The following LRRC4C variants were observed in gnomAD, a reference collection of about 807,000 sequenced individuals.
LRRC4C encodes leucine-rich repeat-containing protein 4C.
LRRC4C carries 5 observed loss-of-function variants against 33.6 expected under a neutral mutation model. The ratio of observed to expected loss-of-function variants is 0.15; its 90% CI spans 0.08 to 0.31. The LOEUF (loss-of-function observed/expected upper bound fraction) is 0.31. Among genes scored for constraint, LRRC4C ranks in the 10% least tolerant of loss-of-function variants. The probability of loss-of-function intolerance (pLI) is 1.00; values close to 1 mark genes in which losing one functional copy is unlikely to be tolerated. For synonymous variants in LRRC4C, 329 were observed against 302.0 expected (o/e 1.09, Z -0.93); for missense variants, 560 against 796.7 (o/e 0.70, Z 3.58).
chr11:40,723,422 C>A (rs966080926), intron 2 of LRRC4C, among the ~76,000 whole-genome samples: 2 of 152,024 alleles, frequency 1.3e-5, no homozygotes, highest in Admixed American at 1.3e-4. Context: ...CAGCAGGAAA[C>A]TTACAAGTCT....
intron 6 of LRRC4C, among the ~76,000 whole-genome samples, chr11:40,122,022 C>A (rs939831890): frequency 6.6e-6 from 1 of 152,114 alleles, no homozygotes. Context: ...TGGGGCTCTT[C>A]CACCAAAGCA....
chr11:40,468,598 G>A lies in LRRC4C; in HGVS notation c.-269-148877C>T, dbSNP rs143882372. ...ACAGGAAACAATAGCTTAAAGGCGT[G>A]TGTGTGAGTGTGTGAGTTTAACAAA... On this transcript the variant is annotated intron_variant, in intron 3 of 6. Coordinates refer to ENST00000528697, the MANE Select transcript of LRRC4C (RefSeq NM_001258419.2). Among the ~76,000 whole-genome samples the A allele has an allele frequency of 2.6e-5, 4 of 152,190 alleles. No individual in the cohort carries two copies. In the East Asian group the frequency reaches 7.7e-4, roughly 29 times the overall value.
At chr11:40,358,637 A>T (rs1430120796) in intron 3 of LRRC4C, among the ~76,000 whole-genome samples, 1 of 151,970 alleles carries the variant, frequency 6.6e-6, no homozygotes, top group Non-Finnish European at 1.5e-5. Flanking sequence ...CGTATTACTG[A>T]TCACTGCCAT....
At chr11:40,815,287 A>G (rs770936358) in intron 2 of LRRC4C, among the ~76,000 whole-genome samples, 2 of 152,076 alleles carry the variant, frequency 1.3e-5, no homozygotes, top group African/African-American at 2.4e-5. Context: ...AGACTTATTC[A>G]CTATCGTAAG....
At chr11:40,769,331 G>T (rs1348789644) in intron 2 of LRRC4C, among the ~76,000 whole-genome samples, 3 of 151,946 alleles carry the variant, frequency 2.0e-5, no homozygotes, top group South Asian at 2.1e-4. Context: ...AATTGAAAAA[G>T]ACACCAAAAA....
At chr11:41,317,988 A>C (rs1286481288) in intron 1 of LRRC4C, among the ~76,000 whole-genome samples, 1 of 152,184 alleles carries the variant, frequency 6.6e-6, no homozygotes, top group Non-Finnish European at 1.5e-5. Flanking sequence ...CCTAATAATA[A>C]GGAAGCAGTT....
At chr11:41,138,436 A>G (rs1315855728) in intron 1 of LRRC4C, among the ~76,000 whole-genome samples, 3 of 152,200 alleles carry the variant, frequency 2.0e-5, no homozygotes, top group East Asian at 1.9e-4. Flanking sequence ...GACTGATTCA[A>G]TGACACCATT....
intron 2 of LRRC4C, among the ~76,000 whole-genome samples, chr11:40,814,779 T>G (rs1369887400): frequency 6.6e-6 from 1 of 151,992 alleles, no homozygotes; most frequent in African/African-American, 2.4e-5. Context: ...GCCACCAGTC[T>G]CTTTGCTAAA....
chr11:40,124,039 C>A (rs1856021464), intron 6 of LRRC4C, among the ~76,000 whole-genome samples: 1 of 151,978 alleles, frequency 6.6e-6, no homozygotes, highest in Non-Finnish European at 1.5e-5. Context: ...TGTCTATATG[C>A]AGAAGAAGAA....
At chr11:40,169,241 A>G (rs1480765827) in intron 5 of LRRC4C, among the ~76,000 whole-genome samples, 3 of 152,196 alleles carry the variant, frequency 2.0e-5, no homozygotes. Context: ...CCTGTTAACT[A>G]GTTCATTTGC....
intron 1 of LRRC4C, among the ~76,000 whole-genome samples, chr11:41,289,152 C>T (rs540762957): frequency 2.2e-4 from 33 of 152,120 alleles, no homozygotes; most frequent in African/African-American, 7.9e-4. Context: ...TCTTGGGGAG[C>T]ATTAAAAAAA....
chr11:40,329,066 T>C (rs753622638), intron 3 of LRRC4C, among the ~76,000 whole-genome samples: 1 of 152,186 alleles, frequency 6.6e-6, no homozygotes, highest in African/African-American at 2.4e-5. Context: ...AGCCAAAAAG[T>C]AGGCTTAGTG....
At chr11:40,448,286 C>T (rs4269914) in intron 3 of LRRC4C, among the ~76,000 whole-genome samples, 54,563 of 151,886 alleles carry the variant, frequency 0.36, 10,314 homozygotes, top group East Asian at 0.53. Context: ...AGTTCTGGGA[C>T]ACATGTGCAG....
At chr11:40,707,599 G>T (rs1591517373) in intron 2 of LRRC4C, among the ~76,000 whole-genome samples, 1 of 152,164 alleles carries the variant, frequency 6.6e-6, no homozygotes, top group African/African-American at 2.4e-5. Context: ...ATGTGCTGCT[G>T]GATTTGGTTT....
At chr11:40,495,948 G>T (rs1283500523) in intron 3 of LRRC4C, among the ~76,000 whole-genome samples, 1 of 146,298 alleles carries the variant, frequency 6.8e-6, no homozygotes, top group African/African-American at 2.5e-5. Context: ...TCCTGTCTCA[G>T]CCTCCCAAGT....
chr11:40,593,406 T>G (rs1219039781), intron 3 of LRRC4C, among the ~76,000 whole-genome samples: 1 of 152,298 alleles, frequency 6.6e-6, no homozygotes, highest in South Asian at 2.1e-4. Flanking sequence ...ATATATGTAT[T>G]AAGATACACA....
In LRRC4C at chr11:40,338,121, C is replaced by T. The variant is rs1721628542; in HGVS notation, c.-269-18400G>A. ...ACTTTCTAAAATGCTTTTAAATTTC[C>T]TTTTACATGGAACTAGTACAACTCG... On this transcript the variant is annotated intron_variant, in intron 3 of 6. Transcript: ENST00000528697. 3.9e-5 allele frequency among the ~76,000 whole-genome samples: 6 copies of T among 152,072 alleles called. 1 individual carries two copies. In the South Asian group the frequency reaches 1.2e-3, roughly 32 times the overall value.
intron 2 of LRRC4C, among the ~76,000 whole-genome samples, chr11:40,676,881 C>T (rs983366566): frequency 6.6e-6 from 1 of 151,992 alleles, no homozygotes; most frequent in East Asian, 1.9e-4. Context: ...GGGTATCGCT[C>T]CACAGAAAAT....
At chr11:40,565,773 C>CA (rs1286734263) in intron 3 of LRRC4C, among the ~76,000 whole-genome samples, 4 of 151,790 alleles carry the variant, frequency 2.6e-5, no homozygotes, top group African/African-American at 7.3e-5. Context: ...CCTAAAGGAG[C>CA]AAAAAATGTC....
Sources: allele counts gnomAD v4.1 joint callset (sites outside exome capture counted in the v4.1 genomes callset), GRCh38; gene constraint gnomAD v4.1.1; transcripts MANE v1.5; gene names NCBI Gene and HGNC (gene_info 2026-07-23, HGNC 2026-07-21).